MYO1D: variants seen among roughly 807,000 people sequenced by gnomAD.
The protein encoded by MYO1D is myosin ID.
MYO1D carries 83 observed loss-of-function variants against 122.0 expected under a neutral mutation model. That is an observed-to-expected ratio of 0.68 (90% CI 0.57 to 0.82). The LOEUF (loss-of-function observed/expected upper bound fraction) is 0.82. Among genes scored for constraint, MYO1D ranks in the 40% least tolerant of loss-of-function variants. The probability of loss-of-function intolerance (pLI) is 0.00; values close to 1 mark genes in which losing one functional copy is unlikely to be tolerated. For synonymous variants in MYO1D, 464 were observed against 446.9 expected, an observed-to-expected ratio of 1.04 and a Z score of -0.48; for missense variants, 1,157 against 1,269.5, an observed-to-expected ratio of 0.91 and a Z score of 1.35.
intron 13 of MYO1D, among the ~76,000 whole-genome samples, chr17:32,740,104 T>C (rs1385764969): frequency 6.6e-6 from 1 of 152,240 alleles, no homozygotes; most frequent in African/African-American, 2.4e-5. Context: ...TTCTTATCTT[T>C]AGCACAGAAA....
intron 21 of MYO1D, among the ~76,000 whole-genome samples, chr17:32,571,544 G>C (rs1288116043): frequency 6.6e-6 from 1 of 152,168 alleles, no homozygotes; most frequent in Non-Finnish European, 1.5e-5. Context: ...GCAGAGGACC[G>C]AGAATTGGGT....
At chr17:32,653,615 A>G (rs1031580907) in intron 19 of MYO1D, among the ~76,000 whole-genome samples, 20 of 152,004 alleles carry the variant, frequency 1.3e-4, no homozygotes, top group Admixed American at 1.0e-3. Context: ...TCCAAAAAAA[A>G]AAAAAAAAAA....
At chr17:32,851,278 T>A (rs1001566805) in intron 1 of MYO1D, among the ~76,000 whole-genome samples, 1 of 152,166 alleles carries the variant, frequency 6.6e-6, no homozygotes, top group South Asian at 2.1e-4. Context: ...TTTACCTACA[T>A]CCACCCTAAT....
intron 21 of MYO1D, among the ~76,000 whole-genome samples, chr17:32,522,061 G>A (rs549935785): frequency 2.4e-4 from 28 of 118,022 alleles, no homozygotes; most frequent in Middle Eastern, 8.8e-3. Flanking sequence ...CAGCCTGGGC[G>A]ACAGAGTGAG....
rs150912021 is a variant in MYO1D, at chr17:32,628,431, G to A, written c.2709+10291C>T. ...GAAAAGAGTCTCAAAAACCTGTCAC[G>A]ATTTCCTGTTTTTATCTTTCCTGTG... On this transcript the variant is annotated intron_variant, in intron 20 of 21. Transcript: ENST00000318217. Among the ~76,000 whole-genome samples, 870 of 152,222 alleles carry A rather than the reference G, an allele frequency of 5.7e-3. 3 individuals carry two copies. Among genetic ancestry groups the A allele is most frequent in the African/African-American group, 0.02 (833 of 41,554 alleles).
At chr17:32,847,915 C>T (rs1439400570) in intron 1 of MYO1D, among the ~76,000 whole-genome samples, 1 of 152,140 alleles carries the variant, frequency 6.6e-6, no homozygotes, top group African/African-American at 2.4e-5. Flanking sequence ...AGAATAAGAA[C>T]CAAAGATTGT....
intron 1 of MYO1D, among the ~76,000 whole-genome samples, chr17:32,787,054 A>C (rs2090304045): frequency 6.6e-6 from 1 of 152,138 alleles, no homozygotes; most frequent in Non-Finnish European, 1.5e-5. Flanking sequence ...ATATCAAAGA[A>C]GGCATCATTT....
intron 4 of MYO1D, among the ~76,000 whole-genome samples, chr17:32,775,178 G>A (rs1342962338): frequency 6.6e-6 from 1 of 152,132 alleles, no homozygotes; most frequent in Non-Finnish European, 1.5e-5. Flanking sequence ...GGCCATGCCT[G>A]TGGTCCCAGC....
At chr17:32,622,636 A>C (rs2087867902) in intron 20 of MYO1D, among the ~76,000 whole-genome samples, 1 of 152,112 alleles carries the variant, frequency 6.6e-6, no homozygotes, top group Non-Finnish European at 1.5e-5. Context: ...ATCTGGGAGA[A>C]CACTCCAGGG....
intron 21 of MYO1D, among the ~76,000 whole-genome samples, chr17:32,548,952 G>T (rs995046087): frequency 3.9e-5 from 6 of 151,956 alleles, no homozygotes; most frequent in Admixed American, 1.3e-4. Context: ...GACCTCAAAT[G>T]ATCCACCTGC....
chr17:32,832,424 C>A, intron 1 of MYO1D, among the ~76,000 whole-genome samples: 1 of 151,982 alleles, frequency 6.6e-6, no homozygotes, highest in South Asian at 2.1e-4. Flanking sequence ...CTCAGCCTCC[C>A]GAGTAGCTGG....
chr17:32,755,375 T>C (rs1461390211), intron 11 of MYO1D, 117 bp downstream of exon 11: 4 of 1,117,808 alleles, frequency 3.6e-6, no homozygotes, highest in Non-Finnish European at 5.1e-6. Flanking sequence ...GTTTATGACT[T>C]TTCTTTCTTA....
intron 15 of MYO1D, 123 bp downstream of exon 15, chr17:32,720,900 C>A: frequency 9.9e-7 from 1 of 1,011,104 alleles, no homozygotes; most frequent in Non-Finnish European, 1.4e-6. Flanking sequence ...TTGTAATTTC[C>A]TCAGCTCTTT....
rs142587362 is a variant in MYO1D, at chr17:32,636,963, C to T, written c.2709+1759G>A. ...GCATCTGCAACGGGGTGTATCCATC[C>T]CACTGACGTTTTACCTTTACTACTG... is the stretch of plus-strand genomic sequence containing the variant. On this transcript the variant is annotated intron_variant, in intron 20 of 21. Transcript: ENST00000318217. Among the ~76,000 whole-genome samples the T allele has an allele frequency of 2.0e-5, 3 of 152,228 alleles. No individual in the cohort carries two copies. The East Asian group carries it at 5.8e-4, about 29-fold the overall frequency.
intron 1 of MYO1D, among the ~76,000 whole-genome samples, chr17:32,827,303 AAAAG>A (rs1197410568): frequency 9.9e-5 from 15 of 152,232 alleles, no homozygotes; most frequent in Non-Finnish European, 1.6e-4. Context: ...AGTCAGTCAC[AAAAG>A]GACAAATATT....
chr17:32,530,916 A>T (rs1910490158), intron 21 of MYO1D, among the ~76,000 whole-genome samples: 1 of 150,880 alleles, frequency 6.6e-6, no homozygotes, highest in Admixed American at 6.6e-5. Flanking sequence ...TGGAGAACTG[A>T]TCCTCCCTCA....
At chr17:32,616,899 T>C (rs1159776056) in intron 20 of MYO1D, among the ~76,000 whole-genome samples, 1 of 152,154 alleles carries the variant, frequency 6.6e-6, no homozygotes, top group Non-Finnish European at 1.5e-5. Context: ...CTAAGTCAGC[T>C]CATAAGAAGT....
At chr17:32,656,114 T>C (rs573853250) in intron 17 of MYO1D, among the ~76,000 whole-genome samples, 2 of 152,296 alleles carry the variant, frequency 1.3e-5, no homozygotes, top group African/African-American at 4.8e-5. Context: ...GCACGATGCT[T>C]ATATCCTCTC....
At chr17:32,735,387 T>C (rs2089690431) in intron 14 of MYO1D, among the ~76,000 whole-genome samples, 1 of 152,140 alleles carries the variant, frequency 6.6e-6, no homozygotes, top group South Asian at 2.1e-4. Flanking sequence ...TTCACTATGC[T>C]GGACAGGCTG....
Sources: allele counts gnomAD v4.1 joint callset (sites outside exome capture counted in the v4.1 genomes callset), GRCh38; gene constraint gnomAD v4.1.1; transcripts MANE v1.5; gene names NCBI Gene and HGNC (gene_info 2026-07-23, HGNC 2026-07-21).